The following TRPM7 variants were observed in gnomAD, a reference collection of about 807,000 sequenced individuals.
The protein encoded by TRPM7 is transient receptor potential cation channel subfamily M member 7, also known as LTRPC ion channel family member 7.
A neutral mutation model predicts 229.7 loss-of-function variants in TRPM7; 134 were observed. The observed-to-expected ratio is 0.58, with a 90% CI of 0.51 to 0.67. The LOEUF (loss-of-function observed/expected upper bound fraction) is 0.67. TRPM7 is among the 30% of genes least tolerant of loss of function. The pLI is 0.00. For synonymous variants in TRPM7, 699 were observed against 715.2 expected, an observed-to-expected ratio of 0.98 and a Z score of 0.36; for missense variants, 1,901 against 2,210.0, an observed-to-expected ratio of 0.86 and a Z score of 2.80.
At chr15:50,586,669 C>G in intron 27 of TRPM7, 181 bp from the exon 28 acceptor site, 1 of 464,566 alleles carries the variant, frequency 2.2e-6, no homozygotes. Context: ...AAAGCTGCAC[C>G]AAAACACCTT....
At position 50,632,936 on chromosome 15, in the gene TRPM7, T is replaced by C; in HGVS notation, c.1064A>G (p.Asn355Ser). 1 of 1,606,978 alleles carries C rather than the reference T, an allele frequency of 6.2e-7. No individual in the cohort carries two copies. Among genetic ancestry groups the C allele is most frequent in the Non-Finnish European group, 8.5e-7 (1 of 1,177,598 alleles). The change falls in exon 9 of 39, where the codon AAC becomes AGC. Residue 355 changes from asparagine (N) to serine (S), a missense_variant. Around this residue, in one of 8 missense-constraint regions of TRPM7, gnomAD observed 794 missense variants for 881.9 expected, o/e 0.90. Transcript: ENST00000646667. ...ATGAAGTGCTTCATTCTGGCCAAAG[T>C]TAAATGTTTTTTTGATAGTGGAAAT... The part of the protein sequence containing the change: ...DIISTIKKTF[N>S]FGQNEALHLF...
intron 1 of TRPM7, 129 bp downstream of exon 1, chr15:50,686,402 G>A: frequency 2.7e-6 from 4 of 1,483,678 alleles, no homozygotes; most frequent in Non-Finnish European, 3.7e-6. Flanking sequence ...AAATCCGGAA[G>A]CCTCAAGGCA....
intron 1 of TRPM7, among the ~76,000 whole-genome samples, chr15:50,664,162 G>A (rs1193681376): frequency 1.3e-5 from 2 of 151,918 alleles, no homozygotes; most frequent in East Asian, 3.9e-4. Flanking sequence ...GCTGGGTGTG[G>A]TGGCGTGTGC....
At chr15:50,606,432 T>A (rs2059921957) in intron 20 of TRPM7, among the ~76,000 whole-genome samples, 1 of 152,164 alleles carries the variant, frequency 6.6e-6, no homozygotes, top group African/African-American at 2.4e-5. Flanking sequence ...AGCTACTACT[T>A]CAAAAACAAA....
chr15:50,579,849 G>A (rs1487107717), intron 30 of TRPM7, among the ~76,000 whole-genome samples: 1 of 152,104 alleles, frequency 6.6e-6, no homozygotes, highest in East Asian at 1.9e-4. Flanking sequence ...AGGCTGGAGT[G>A]AAGTGGTGCA....
At chr15:50,594,097 A>C (rs928761666) in intron 24 of TRPM7, among the ~76,000 whole-genome samples, 1 of 152,244 alleles carries the variant, frequency 6.6e-6, no homozygotes, top group African/African-American at 2.4e-5. Flanking sequence ...AATTTGACAC[A>C]GTATGATTAG....
intron 1 of TRPM7, among the ~76,000 whole-genome samples, chr15:50,665,329 G>T (rs2061852521): frequency 1.3e-5 from 2 of 151,370 alleles, no homozygotes; most frequent in Admixed American, 1.3e-4. Context: ...GGGAGGCAGA[G>T]ATTGCAGTGA....
chr15:50,670,841 G>C (rs950290682), intron 1 of TRPM7, among the ~76,000 whole-genome samples: 1 of 144,486 alleles, frequency 6.9e-6, no homozygotes. Context: ...AAAATAATAA[G>C]AGGATACTAT....
chr15:50,678,516 AAATAT>A (rs571810434), intron 1 of TRPM7, among the ~76,000 whole-genome samples: 14,955 of 98,466 alleles, frequency 0.15, 1,041 homozygotes, highest in Admixed American at 0.27. Flanking sequence ...TAAAAAAAAA[AAATAT>A]ATATATATAT....
At chr15:50,632,293 CAA>C (rs11316484) in intron 9 of TRPM7, among the ~76,000 whole-genome samples, 3 of 141,230 alleles carry the variant, frequency 2.1e-5, no homozygotes, top group African/African-American at 2.7e-5. Context: ...ACTCTGTCTC[CAA>C]AAAAAAAAAT....
At chr15:50,603,380 A>G (rs529190769) in intron 21 of TRPM7, among the ~76,000 whole-genome samples, 16 of 151,936 alleles carry the variant, frequency 1.1e-4, no homozygotes, top group Admixed American at 8.5e-4. Context: ...GGTTTGTTAC[A>G]TATGTATACA....
rs189253803 is a variant in TRPM7, at chr15:50,601,959, T to C, written c.2989-2663A>G. ...AAGAAAAATCCCACATATTTTCTTT[T>C]TTTTTTTTTTAATGATTATACTTTA... On this transcript the variant is annotated intron_variant, in intron 21 of 38. Transcript: ENST00000646667. 6.3e-4 allele frequency among the ~76,000 whole-genome samples: 95 copies of C among 151,712 alleles called. 1 individual carries two copies. The East Asian group carries it at 0.017, about 28-fold the overall frequency.
intron 3 of TRPM7, among the ~76,000 whole-genome samples, chr15:50,655,578 A>G (rs2061543710): frequency 6.7e-6 from 1 of 148,290 alleles, no homozygotes; most frequent in Non-Finnish European, 1.5e-5. Context: ...AAAGGAATAG[A>G]AAAAAAAAAT....
chr15:50,592,117 T>C lies in TRPM7; in HGVS notation c.4118A>G (p.Glu1373Gly), dbSNP rs2059515447. The change falls in exon 26 of 39, where the codon GAA (glutamate) becomes GGA (glycine). Residue 1373 changes from glutamate to glycine, a missense_variant. By Grantham distance (98) the Glu-to-Gly change is moderately conservative. Around this residue, in one of 8 missense-constraint regions of TRPM7, gnomAD observed 533 missense variants for 497.1 expected, o/e 1.07. Coordinates refer to ENST00000646667, the MANE Select transcript of TRPM7 (RefSeq NM_017672.6). ...PELRQRLHGV[E>G]LLKIFNKNQK... ...ATTTTTATTAAATATTTTTAAGAGT[T>C]CTACCCCATGTAGTCTCTGTCGCAG... The C allele has an allele frequency of 6.2e-7, 1 of 1,612,958 alleles. No individual in the cohort carries two copies. The highest frequency in any genetic ancestry group is 8.5e-7 in the Non-Finnish European group (1 of 1,179,616).
chr15:50,679,737 G>A (rs985900454), intron 1 of TRPM7, among the ~76,000 whole-genome samples: 5 of 150,510 alleles, frequency 3.3e-5, no homozygotes, highest in South Asian at 4.2e-4. Flanking sequence ...GGTTATCTAC[G>A]TTGGCCAGGC....
At chr15:50,681,262 A>ACACACACACACACACAC (rs2062234758) in intron 1 of TRPM7, among the ~76,000 whole-genome samples, 3 of 53,608 alleles carry the variant, frequency 5.6e-5, no homozygotes, top group African/African-American at 4.1e-4. Flanking sequence ...AAAATAAATA[A>ACACACACACACACACAC]ATACACACAC....
chr15:50,603,931 G>C (rs1019946633), intron 21 of TRPM7: 2 of 152,178 alleles, frequency 1.3e-5, no homozygotes, highest in Non-Finnish European at 2.9e-5. Flanking sequence ...TACACATCTT[G>C]AGAGATGGAA....
At chr15:50,598,324 G>C (rs1173551021) in intron 22 of TRPM7, among the ~76,000 whole-genome samples, 1 of 152,152 alleles carries the variant, frequency 6.6e-6, no homozygotes, top group East Asian at 1.9e-4. Context: ...GACAATGTAA[G>C]AGTCAAAATG....
At chr15:50,592,727 A>C (rs1404617490) in intron 25 of TRPM7, 101 bp from the exon 26 acceptor site, 15 of 766,210 alleles carry the variant, frequency 2.0e-5, no homozygotes, top group Non-Finnish European at 2.9e-5. Flanking sequence ...AAAATTTCAC[A>C]TGCATTTAAA....
Sources: allele counts gnomAD v4.1 joint callset (sites outside exome capture counted in the v4.1 genomes callset), GRCh38; gene constraint gnomAD v4.1.1; regional missense constraint gnomAD v4.1.1; transcripts MANE v1.5; gene names NCBI Gene and HGNC (gene_info 2026-07-23, HGNC 2026-07-21).